The following ROBO2 variants were observed in gnomAD, a reference collection of about 807,000 sequenced individuals.
The protein encoded by ROBO2 is roundabout guidance receptor 2.
In ROBO2, 53 loss-of-function variants were observed where a neutral mutation model predicts 160.8. That is an observed-to-expected ratio of 0.33 (90% CI 0.26 to 0.41). The LOEUF is 0.41. Ranked by LOEUF, ROBO2 falls within the 10% of genes least tolerant of loss-of-function variation. The pLI, the probability that ROBO2 is intolerant of heterozygous loss-of-function variation, is 1.00. For synonymous variants in ROBO2, 664 were observed against 611.7 expected (o/e 1.09, Z -1.26); for missense variants, 1,577 against 1,722.4 (o/e 0.92, Z 1.49).
chr3:76,351,704 C>T (rs570993416), intron 2 of ROBO2, among the ~76,000 whole-genome samples: 2 of 151,964 alleles, frequency 1.3e-5, no homozygotes, highest in East Asian at 3.9e-4. Context: ...TGTATAACCT[C>T]ACATACATGT....
At chr3:77,255,062 C>T (rs2090778209) in intron 2 of ROBO2, among the ~76,000 whole-genome samples, 2 of 152,202 alleles carry the variant, frequency 1.3e-5, no homozygotes, top group South Asian at 2.1e-4. Context: ...ACTAAGATTC[C>T]AAAGATATAG....
In ROBO2 at chr3:77,306,055, T is replaced by A. The variant is rs534919520; in HGVS notation, c.389-171359T>A. Among the ~76,000 whole-genome samples, 123 of 152,212 alleles carry A rather than the reference T, an allele frequency of 8.1e-4. 1 individual carries two copies. The highest frequency in any genetic ancestry group is 2.6e-3 in the African/African-American group (109 of 41,576). On this transcript the variant is annotated intron_variant, in intron 2 of 25. Coordinates refer to ENST00000461745, the Ensembl canonical transcript of ROBO2. The stretch of plus-strand genomic sequence containing the variant: ...TAGAACATTCTATTTTTCCCCCTTC[T>A]TTTAAAAAGTAACAATAGAAAGAAA...
At chr3:77,063,991 A>G (rs1366711618) in intron 1 of ROBO2, among the ~76,000 whole-genome samples, 1 of 152,210 alleles carries the variant, frequency 6.6e-6, no homozygotes, top group Non-Finnish European at 1.5e-5. Flanking sequence ...TGTACTTGTT[A>G]GTGCACATAC....
chr3:76,934,551 C>T (rs1042202925), intron 2 of ROBO2, among the ~76,000 whole-genome samples: 1 of 152,030 alleles, frequency 6.6e-6, no homozygotes, highest in Non-Finnish European at 1.5e-5. Context: ...TCGAGACCGT[C>T]CTGGACAACA....
At chr3:76,691,157 G>C (rs1008904963) in intron 2 of ROBO2, among the ~76,000 whole-genome samples, 1 of 152,076 alleles carries the variant, frequency 6.6e-6, no homozygotes, top group Non-Finnish European at 1.5e-5. Context: ...TCATTATCTT[G>C]GGAGAGGGTA....
In ROBO2 at chr3:76,270,430, A is replaced by G. The variant is rs993055008; in HGVS notation, c.109+332828A>G. 4.6e-5 allele frequency among the ~76,000 whole-genome samples: 7 copies of G among 152,134 alleles called. No individual in the cohort carries two copies. In the South Asian group the frequency reaches 1.2e-3, roughly 27 times the overall value. The stretch of plus-strand genomic sequence containing the variant: ...GTCTTCCAATTTTGTATAATTCCCC[A>G]TATTCTAGTTGAGAGATTATGAACT... On this transcript the variant is annotated intron_variant, in intron 2 of 26. Transcript: ENST00000487694.
intron 1 of ROBO2, among the ~76,000 whole-genome samples, chr3:77,059,210 C>G (rs1416998344): frequency 6.6e-6 from 1 of 151,988 alleles, no homozygotes; most frequent in Non-Finnish European, 1.5e-5. Flanking sequence ...GAAAAGAATT[C>G]TAGGTAGAAG....
At chr3:77,626,795 T>C (rs1344189386) in intron 23 of ROBO2, among the ~76,000 whole-genome samples, 1 of 152,144 alleles carries the variant, frequency 6.6e-6, no homozygotes, top group Non-Finnish European at 1.5e-5. Context: ...AGTAAAAAGT[T>C]TCCTTGACTG....
intron 2 of ROBO2, among the ~76,000 whole-genome samples, chr3:76,368,690 G>A (rs922520774): frequency 1.3e-5 from 2 of 151,898 alleles, no homozygotes; most frequent in African/African-American, 2.4e-5. Flanking sequence ...AAAATAGCAC[G>A]ATTTCTCTTT....
At chr3:76,295,876 T>A (rs1193282623) in intron 2 of ROBO2, among the ~76,000 whole-genome samples, 1 of 152,142 alleles carries the variant, frequency 6.6e-6, no homozygotes, top group Admixed American at 6.5e-5. Flanking sequence ...CTTATAGTTT[T>A]CATCACCGGA....
chr3:75,971,639 T>G (rs1034605235), intron 2 of ROBO2, among the ~76,000 whole-genome samples: 1 of 151,576 alleles, frequency 6.6e-6, no homozygotes, highest in Non-Finnish European at 1.5e-5. Flanking sequence ...AATTAGCTAT[T>G]TTTTGAAGTA....
Position 77,240,407 on chromosome 3 carries a change from C to T in ROBO2, c.388+142067C>T, listed in dbSNP as rs181631760. 9.6e-3 allele frequency among the ~76,000 whole-genome samples: 1,462 copies of T among 152,290 alleles called. 13 individuals are homozygous for T. The highest frequency in any genetic ancestry group is 0.014 in the Non-Finnish European group (973 of 68,018). On this transcript the variant is annotated intron_variant, in intron 2 of 25. Transcript: ENST00000461745. ...TGGGCCCGCCGAGCCCACGCCCACCCGGAACTCACGCTGGCCTGCGATTGC... is the reference window on the plus strand; with the variant it reads ...TGGGCCCGCCGAGCCCACGCCCACCTGGAACTCACGCTGGCCTGCGATTGC...
chr3:77,306,572 A>T lies in ROBO2; in HGVS notation c.389-170842A>T, dbSNP rs143479019. ...CTGTGTGACCCTGTCTTAAAGAGGT[A>T]AGTTCACTAATAGACCAGTGAACTA... On this transcript the variant is annotated intron_variant, in intron 2 of 25. Coordinates refer to ENST00000461745, the Ensembl canonical transcript of ROBO2. Among the ~76,000 whole-genome samples, 69 of 152,308 alleles carry T rather than the reference A, an allele frequency of 4.5e-4. 2 individuals carry two copies. In the East Asian group the frequency reaches 0.013, roughly 29 times the overall value.
chr3:76,058,589 CTTTTTTTTTT>C (rs10676074), intron 2 of ROBO2, among the ~76,000 whole-genome samples: 10 of 48,864 alleles, frequency 2.0e-4, no homozygotes, highest in Middle Eastern at 0.033. Flanking sequence ...ACAGCAGAAA[CTTTTTTTTTT>C]TTTTTTTTTT....
chr3:75,967,248 A>G (rs1334813456), intron 2 of ROBO2, among the ~76,000 whole-genome samples: 2 of 151,644 alleles, frequency 1.3e-5, no homozygotes, highest in Admixed American at 1.3e-4. Context: ...TATACTGCCA[A>G]TTTGAGATAG....
intron 2 of ROBO2, among the ~76,000 whole-genome samples, chr3:77,454,351 A>G (rs1323856603): frequency 2.0e-5 from 3 of 152,080 alleles, no homozygotes; most frequent in Non-Finnish European, 4.4e-5. Flanking sequence ...GGCCTCGTCA[A>G]TTTCTACACA....
At chr3:76,096,263 T>A (rs2069448580) in intron 2 of ROBO2, among the ~76,000 whole-genome samples, 1 of 152,148 alleles carries the variant, frequency 6.6e-6, no homozygotes, top group Admixed American at 6.5e-5. Context: ...GCTGAATGAC[T>A]CATAAATAAC....
chr3:77,149,332 G>A (rs938539760), intron 2 of ROBO2, among the ~76,000 whole-genome samples: 3 of 152,084 alleles, frequency 2.0e-5, no homozygotes, highest in East Asian at 1.9e-4. Context: ...ACTGCACCCG[G>A]CCCAAAGTAA....
chr3:77,125,235 G>A (rs1214330279), intron 2 of ROBO2, among the ~76,000 whole-genome samples: 1 of 152,072 alleles, frequency 6.6e-6, no homozygotes, highest in African/African-American at 2.4e-5. Context: ...TGGTCTGTCT[G>A]CACCACGCCA....
Sources: allele counts gnomAD v4.1 joint callset (sites outside exome capture counted in the v4.1 genomes callset), GRCh38; gene constraint gnomAD v4.1.1; transcripts MANE v1.5; gene names NCBI Gene and HGNC (gene_info 2026-07-23, HGNC 2026-07-21).